MRAP2: variants seen among roughly 807,000 people sequenced by gnomAD.
MRAP2 encodes melanocortin 2 receptor accessory protein 2, also known as melanocortin-2 receptor accessory protein 2.
Under a neutral mutation model 17.4 loss-of-function variants are expected in MRAP2, and 20 were observed. That is an observed-to-expected ratio of 1.15 (90% CI 0.81 to 1.67). The LOEUF (loss-of-function observed/expected upper bound fraction) is 1.67, where lower values mean the gene tolerates loss of function less well. Among genes scored for constraint, MRAP2 ranks in the 40% most tolerant of loss-of-function variants. The pLI is 0.00. For synonymous variants in MRAP2, 96 were observed against 88.4 expected, an observed-to-expected ratio of 1.09 and a Z score of -0.48; for missense variants, 238 against 240.0, an observed-to-expected ratio of 0.99 and a Z score of 0.05.
the MRAP2 span, among the ~76,000 whole-genome samples, chr6:84,100,289 G>A: frequency 1.3e-5 from 2 of 151,960 alleles, no homozygotes; most frequent in Admixed American, 6.6e-5. Context: ...TTGAGACAGG[G>A]TCTCACTCTG....
At chr6:84,041,504 G>T (rs1222633727) in intron 1 of MRAP2, among the ~76,000 whole-genome samples, 1 of 152,198 alleles carries the variant, frequency 6.6e-6, no homozygotes, top group Non-Finnish European at 1.5e-5. Flanking sequence ...CGTGCACCTG[G>T]AAAAGCCACA....
chr6:84,091,130 AT>A (rs1313969303), downstream of MRAP2, among the ~76,000 whole-genome samples: 3 of 149,300 alleles, frequency 2.0e-5, no homozygotes, highest in African/African-American at 7.7e-5. Flanking sequence ...AAAGCATGGA[AT>A]TTTTTTGTAA....
chr6:84,130,152 A>G, the MRAP2 span, among the ~76,000 whole-genome samples: 3 of 152,178 alleles, frequency 2.0e-5, no homozygotes, highest in South Asian at 4.2e-4. Flanking sequence ...TATGTGATGG[A>G]TTATGTTTAT....
the MRAP2 span, among the ~76,000 whole-genome samples, chr6:84,134,811 C>T: frequency 6.6e-6 from 1 of 151,986 alleles, no homozygotes; most frequent in Admixed American, 6.6e-5. Flanking sequence ...CCAGCCTCCC[C>T]CCCACAGATT....
downstream of MRAP2, among the ~76,000 whole-genome samples, chr6:84,093,390 G>A (rs892025078): frequency 4.6e-5 from 7 of 152,092 alleles, no homozygotes; most frequent in Admixed American, 1.3e-4. Context: ...CATCTCTGTC[G>A]TCTGGGCTGT....
intron 2 of MRAP2, among the ~76,000 whole-genome samples, chr6:84,060,037 G>A (rs2099492695): frequency 6.6e-6 from 1 of 152,172 alleles, no homozygotes; most frequent in Non-Finnish European, 1.5e-5. Context: ...CCTGGGGATG[G>A]GTCATAGGGC....
At chr6:84,048,833 C>T (rs1465250551) in intron 1 of MRAP2, among the ~76,000 whole-genome samples, 1 of 152,200 alleles carries the variant, frequency 6.6e-6, no homozygotes, top group Non-Finnish European at 1.5e-5. Context: ...CCTAATTCAA[C>T]AAATGGATAT....
chr6:84,102,238 T>C, the MRAP2 span, among the ~76,000 whole-genome samples: 2 of 152,192 alleles, frequency 1.3e-5, no homozygotes, highest in African/African-American at 4.8e-5. Flanking sequence ...CACCCACCTA[T>C]GTCCGCCTGT....
chr6:84,037,787 C>CA (rs1157061403), intron 1 of MRAP2, among the ~76,000 whole-genome samples: 2 of 152,112 alleles, frequency 1.3e-5, no homozygotes, highest in East Asian at 3.9e-4. Context: ...ACCTAGAACT[C>CA]ACGCTGGCCA....
chr6:84,142,598 T>G, the MRAP2 span, among the ~76,000 whole-genome samples: 1,255 of 152,304 alleles, frequency 8.2e-3, 27 homozygotes, highest in African/African-American at 0.028. Context: ...CAGGTAAATC[T>G]GGGATATGAT....
the MRAP2 span, among the ~76,000 whole-genome samples, chr6:84,113,049 T>G: frequency 6.6e-6 from 1 of 152,204 alleles, no homozygotes; most frequent in Non-Finnish European, 1.5e-5. Flanking sequence ...TGTGATGTGG[T>G]GCTGAGAAGA....
chr6:84,125,372 G>T, the MRAP2 span: 2 of 973,284 alleles, frequency 2.1e-6, no homozygotes, highest in Non-Finnish European at 3.2e-6. Context: ...GGGTTTCTTT[G>T]GGGAACTCAG....
chr6:84,042,378 G>A (rs1258271662), intron 1 of MRAP2, among the ~76,000 whole-genome samples: 4 of 152,198 alleles, frequency 2.6e-5, no homozygotes, highest in Non-Finnish European at 5.9e-5. Flanking sequence ...TGGGAGAGGA[G>A]GGTTAATCCT....
At chr6:84,097,991 T>A in the MRAP2 span, among the ~76,000 whole-genome samples, 7 of 152,192 alleles carry the variant, frequency 4.6e-5, no homozygotes, top group African/African-American at 1.7e-4. Flanking sequence ...AATTTTTACA[T>A]ATTTGAAGTG....
At chr6:84,131,938 G>C in the MRAP2 span, among the ~76,000 whole-genome samples, 3 of 152,322 alleles carry the variant, frequency 2.0e-5, no homozygotes, top group Admixed American at 6.5e-5. Flanking sequence ...TCCTAGCACT[G>C]ATGGTCTTTA....
chr6:84,111,147 A>G, the MRAP2 span, among the ~76,000 whole-genome samples: 3 of 152,174 alleles, frequency 2.0e-5, no homozygotes, highest in Non-Finnish European at 4.4e-5. Context: ...GAAGAAAGTC[A>G]GTGGTAGCTT....
At chr6:84,085,664 C>G (rs1193514468) in intron 3 of MRAP2, among the ~76,000 whole-genome samples, 2 of 152,110 alleles carry the variant, frequency 1.3e-5, no homozygotes, top group Non-Finnish European at 2.9e-5. Flanking sequence ...AAATTTTAAC[C>G]CAGGCATGCA....
intron 1 of MRAP2, among the ~76,000 whole-genome samples, chr6:84,046,437 C>T (rs1056347430): frequency 2.6e-5 from 4 of 151,960 alleles, no homozygotes; most frequent in African/African-American, 7.2e-5. Context: ...GTGCACTTCT[C>T]CTGAAATGAA....
the MRAP2 span, among the ~76,000 whole-genome samples, chr6:84,130,679 T>C: frequency 9.2e-5 from 14 of 152,328 alleles, no homozygotes; most frequent in East Asian, 1.9e-3. Context: ...TGGTAGTGTG[T>C]ATTTCTGTGG....
Sources: allele counts gnomAD v4.1 joint callset (sites outside exome capture counted in the v4.1 genomes callset), GRCh38; gene constraint gnomAD v4.1.1; transcripts MANE v1.5; gene names NCBI Gene and HGNC (gene_info 2026-07-23, HGNC 2026-07-21).